The following PARD6G variants were observed in gnomAD, a reference collection of about 807,000 sequenced individuals.
The protein encoded by PARD6G is partitioning defective 6 homolog gamma.
In PARD6G, 7 loss-of-function variants were observed where a neutral mutation model predicts 10.7. The observed-to-expected ratio is 0.66, with a 90% CI of 0.37 to 1.23. The LOEUF (loss-of-function observed/expected upper bound fraction) is 1.23, where lower values mean the gene tolerates loss of function less well. PARD6G is among the 50% of genes most tolerant of loss of function. PARD6G has a pLI of 0.02. For synonymous variants in PARD6G, 287 were observed against 269.4 expected, an observed-to-expected ratio of 1.07 and a Z score of -0.64; for missense variants, 548 against 571.8, an observed-to-expected ratio of 0.96 and a Z score of 0.42.
chr18:80,246,758 G>C lies in PARD6G; in HGVS notation c.72+519C>G, dbSNP rs902132703. ...AGCGCGCCTGGTGCCTAGATGTTTG[G>C]TACCGAGCGGGTGGGGGACGCCGGG... is the stretch of plus-strand genomic sequence containing the variant. On this transcript the variant is annotated intron_variant, in intron 1 of 2. Coordinates refer to ENST00000353265, the MANE Select transcript of PARD6G (RefSeq NM_032510.4). The surrounding 1 kb of genome is among the most constrained non-coding windows in gnomAD (Gnocchi z 6.7). Among the ~76,000 whole-genome samples, 50 of 152,158 alleles carry C rather than the reference G, an allele frequency of 3.3e-4. No homozygotes were observed. The highest frequency in any genetic ancestry group is 9.6e-4 in the African/African-American group (40 of 41,526).
chr18:80,209,547 A>G (rs1967086864), intron 1 of PARD6G, among the ~76,000 whole-genome samples: 1 of 152,098 alleles, frequency 6.6e-6, no homozygotes, highest in Non-Finnish European at 1.5e-5. Flanking sequence ...GTGGTGGCTC[A>G]CACCTGTAAT....
intron 1 of PARD6G, among the ~76,000 whole-genome samples, chr18:80,225,890 G>A (rs1244613408): frequency 1.3e-5 from 2 of 152,066 alleles, no homozygotes; most frequent in Non-Finnish European, 2.9e-5. Flanking sequence ...AGTCATCTCT[G>A]GGCCGGCTCA....
In PARD6G at chr18:80,186,528, C is replaced by T. The variant is rs536011329; in HGVS notation, c.295+16182G>A. Among the ~76,000 whole-genome samples the T allele has an allele frequency of 5.8e-4, 87 of 150,766 alleles. 1 individual carries two copies. The South Asian group carries it at 0.017, about 30-fold the overall frequency. On this transcript the variant is annotated intron_variant, in intron 2 of 2. Transcript: ENST00000353265. Reference sequence around the variant, plus strand: ...CGCACACCCTCACACATGCATGCATCCTCACACACGCGCACACCCTCACAC... The same window carrying T: ...CGCACACCCTCACACATGCATGCATTCTCACACACGCGCACACCCTCACAC...
rs1967358876 is a variant in PARD6G, at chr18:80,231,644, T to C, written c.72+15633A>G. 6.6e-6 allele frequency among the ~76,000 whole-genome samples: 1 copy of C among 152,130 alleles called. No homozygotes were observed. On this transcript the variant is annotated intron_variant, in intron 1 of 2. Coordinates refer to ENST00000353265, the MANE Select transcript of PARD6G (RefSeq NM_032510.4). The surrounding 1 kb of genome is among the most constrained non-coding windows in gnomAD (Gnocchi z 4.2). ...TTCATAAAATAGATAAAAACATTCA[T>C]CCCAGGGTTGTGGTGAGACTCTAAT...
chr18:80,160,331 G>A lies in PARD6G; in HGVS notation c.571C>T (p.Pro191Ser), dbSNP rs2052690043. 1 of 1,611,834 alleles carries A rather than the reference G, an allele frequency of 6.2e-7. No individual in the cohort carries two copies. Among genetic ancestry groups the A allele is most frequent in the Admixed American group, 1.7e-5 (1 of 60,014 alleles). The change falls in exon 3 of 3, where the codon CCC (proline) becomes TCC (serine). Residue 191 changes from proline (P) to serine (S), a missense_variant. Physicochemically the swap from Pro to Ser is moderately conservative, Grantham distance 74. This residue lies in a region of PARD6G where 235 missense variants were observed against 291.9 expected (regional missense o/e 0.81). Coordinates refer to ENST00000353265, the MANE Select transcript of PARD6G (RefSeq NM_032510.4). The stretch of plus-strand genomic sequence containing the variant: ...ACCATGCGCGAGATGAAGATGCCGG[G>A]CACCTTCTCCAGCCCGTGCGGGGTC... The part of the protein sequence containing the change: ...RVTPHGLEKV[P>S]GIFISRMVPG...
chr18:80,217,789 G>A (rs1157099958), intron 1 of PARD6G, among the ~76,000 whole-genome samples: 1 of 152,176 alleles, frequency 6.6e-6, no homozygotes, highest in Non-Finnish European at 1.5e-5. Context: ...CTGAGACTGG[G>A]TAATTTATAA....
intron 2 of PARD6G, among the ~76,000 whole-genome samples, chr18:80,196,776 A>T (rs1966959738): frequency 6.6e-6 from 1 of 151,680 alleles, no homozygotes; most frequent in South Asian, 2.1e-4. Context: ...TTGACAAGCT[A>T]CATCAGCACA....
chr18:80,241,402 T>A (rs1967488059), intron 1 of PARD6G, among the ~76,000 whole-genome samples: 1 of 152,188 alleles, frequency 6.6e-6, no homozygotes, highest in Non-Finnish European at 1.5e-5. Context: ...GTGGGTGTGA[T>A]AAACGAACCC....
At chr18:80,206,087 C>T (rs1010954316) in intron 1 of PARD6G, among the ~76,000 whole-genome samples, 1 of 152,184 alleles carries the variant, frequency 6.6e-6, no homozygotes, top group Non-Finnish European at 1.5e-5. Flanking sequence ...ATCTCAGTTT[C>T]TCAGTACGTT....
intron 1 of PARD6G, among the ~76,000 whole-genome samples, chr18:80,212,237 T>C (rs916807272): frequency 7.9e-5 from 12 of 152,182 alleles, no homozygotes; most frequent in Non-Finnish European, 1.5e-4. Context: ...TAACCTGTGA[T>C]GGAATGGTGT....
At chr18:80,221,093 ACTT>A (rs1967223346) in intron 1 of PARD6G, among the ~76,000 whole-genome samples, 1 of 152,162 alleles carries the variant, frequency 6.6e-6, no homozygotes, top group Non-Finnish European at 1.5e-5. Context: ...CTGGGTCTGG[ACTT>A]TTCTTAGTCC....
chr18:80,174,810 C>T (rs34953306), intron 2 of PARD6G, among the ~76,000 whole-genome samples: 27,974 of 151,946 alleles, frequency 0.18, 2,737 homozygotes, highest in Middle Eastern at 0.28. Flanking sequence ...AAAAATTAGC[C>T]GGGCTTGGTG....
At position 80,188,540 on chromosome 18, in the gene PARD6G, A is replaced by G. The variant is rs952899524; in HGVS notation, c.295+14170T>C. 5.3e-5 allele frequency among the ~76,000 whole-genome samples: 8 copies of G among 152,126 alleles called. No homozygotes were observed. Among genetic ancestry groups the G allele is most frequent in the African/African-American group, 1.7e-4 (7 of 41,418 alleles). On this transcript the variant is annotated intron_variant, in intron 2 of 2. Transcript: ENST00000353265. This position sits in a 1 kb window ranked among gnomAD's most constrained non-coding sequence, Gnocchi z 5.4. Reference sequence around the variant, plus strand: ...GGACCCTCCTAGTACAGGCGCCTCGACCCAACTGTGCCAGCACAACCATCC... The same window carrying G: ...GGACCCTCCTAGTACAGGCGCCTCGGCCCAACTGTGCCAGCACAACCATCC...
intron 1 of PARD6G, among the ~76,000 whole-genome samples, chr18:80,203,516 A>G (rs1318790790): frequency 1.3e-5 from 2 of 152,154 alleles, no homozygotes; most frequent in African/African-American, 4.8e-5. Flanking sequence ...TATCCTGAGG[A>G]CAGGATAGGA....
intron 2 of PARD6G, among the ~76,000 whole-genome samples, chr18:80,194,420 T>G (rs913203892): frequency 6.6e-6 from 1 of 152,232 alleles, no homozygotes; most frequent in Non-Finnish European, 1.5e-5. Context: ...AGCCTCAGTG[T>G]CATCATGTAT....
At position 80,189,713 on chromosome 18, in the gene PARD6G, G is replaced by T. The variant is rs537207967; in HGVS notation, c.295+12997C>A. 2.6e-5 allele frequency among the ~76,000 whole-genome samples: 4 copies of T among 152,066 alleles called. No homozygotes were observed. Among genetic ancestry groups the T allele is most frequent in the African/African-American group, 9.7e-5 (4 of 41,422 alleles). ...GTCCCCTGGGAGTCCCCCGTCCGTC[G>T]TTGAGGCTGTTCTTTCATCTCCCAG... On this transcript the variant is annotated intron_variant, in intron 2 of 2. Coordinates refer to ENST00000353265, the MANE Select transcript of PARD6G (RefSeq NM_032510.4). The surrounding 1 kb of genome is among the most constrained non-coding windows in gnomAD (Gnocchi z 5.5).
rs1599856983 is a variant in PARD6G at position 80,188,523 on chromosome 18, C to T, written c.295+14187G>A. ...CAGCCCAAAACCCGGCAGGACCCTC[C>T]TAGTACAGGCGCCTCGACCCAACTG... On this transcript the variant is annotated intron_variant, in intron 2 of 2. Coordinates refer to ENST00000353265, the MANE Select transcript of PARD6G (RefSeq NM_032510.4). This position sits in a 1 kb window ranked among gnomAD's most constrained non-coding sequence, Gnocchi z 5.4. Among the ~76,000 whole-genome samples the T allele has an allele frequency of 1.3e-5, 2 of 152,246 alleles. No homozygotes were observed. The highest frequency in any genetic ancestry group is 4.8e-5 in the African/African-American group (2 of 41,476).
At position 80,184,025 on chromosome 18, in the gene PARD6G, T is replaced by C. The variant is rs1254339392; in HGVS notation, c.295+18685A>G. On this transcript the variant is annotated intron_variant, in intron 2 of 2. Coordinates refer to ENST00000353265, the MANE Select transcript of PARD6G (RefSeq NM_032510.4). This position sits in a 1 kb window ranked among gnomAD's most constrained non-coding sequence, Gnocchi z 4.5. ...TGTTAGCGGTCAAAGAACTCTGTTT[T>C]TCTTGGTCCAAACCAGAGGAAATTT... 1 of 152,250 alleles carries C rather than the reference T, an allele frequency of 6.6e-6. No individual in the cohort carries two copies. Among genetic ancestry groups the C allele is most frequent in the African/African-American group, 2.4e-5 (1 of 41,456 alleles). 9.4% of individuals were successfully genotyped at this position (152,250 alleles called of 1,614,324 possible).
At chr18:80,176,036 C>G (rs1037476556) in intron 2 of PARD6G, 1 of 165,022 alleles carries the variant, frequency 6.1e-6, no homozygotes, top group Non-Finnish European at 1.5e-5. Context: ...TGGCTGTACC[C>G]GGAGGGTCTG....
Sources: allele counts gnomAD v4.1 joint callset (sites outside exome capture counted in the v4.1 genomes callset), GRCh38; gene constraint gnomAD v4.1.1; regional missense constraint gnomAD v4.1.1; non-coding constraint Gnocchi (gnomAD v3.1); transcripts MANE v1.5; gene names NCBI Gene and HGNC (gene_info 2026-07-23, HGNC 2026-07-21).